Variants in KCNQ1 observed in about 807,000 individuals in gnomAD.
KCNQ1 encodes potassium voltage-gated channel subfamily Q member 1.
In KCNQ1, 49 loss-of-function variants were observed where a neutral mutation model predicts 72.4. The observed-to-expected ratio is 0.68, with a 90% confidence interval of 0.54 to 0.86. KCNQ1 has a LOEUF of 0.86. KCNQ1 is among the 40% of genes least tolerant of loss of function. KCNQ1 has a pLI of 0.00. For synonymous variants in KCNQ1, 450 were observed against 412.6 expected, an observed-to-expected ratio of 1.09 and a Z score of -1.10; for missense variants, 790 against 945.1, an observed-to-expected ratio of 0.84 and a Z score of 2.15.
chr11:2,555,589 CG>C (rs1848058717), intron 2 of KCNQ1, among the ~76,000 whole-genome samples: 1 of 152,228 alleles, frequency 6.6e-6, no homozygotes. Flanking sequence ...CCTGTGTGTG[CG>C]GGGCCCTGGG....
intron 10 of KCNQ1, among the ~76,000 whole-genome samples, chr11:2,590,717 C>G (rs918873304): frequency 2.0e-5 from 3 of 152,236 alleles, no homozygotes; most frequent in Non-Finnish European, 2.9e-5. Flanking sequence ...GCATGTCCCT[C>G]TAAGGAGGCT....
chr11:2,819,879 T>C (rs1267525489), intron 15 of KCNQ1, among the ~76,000 whole-genome samples: 1 of 152,208 alleles, frequency 6.6e-6, no homozygotes, highest in Non-Finnish European at 1.5e-5. Context: ...ATCCATCATA[T>C]TGTGTTTTCA....
At position 2,508,370 on chromosome 11, in the gene KCNQ1, C is replaced by T. The variant is rs901095096; in HGVS notation, c.387-19558C>T. Among the ~76,000 whole-genome samples, 1 of 152,158 alleles carries T rather than the reference C, an allele frequency of 6.6e-6. No homozygotes were observed. Among genetic ancestry groups the T allele is most frequent in the Non-Finnish European group, 1.5e-5 (1 of 68,006 alleles). On this transcript the variant is annotated intron_variant, in intron 1 of 15. Coordinates refer to ENST00000155840, the MANE Select transcript of KCNQ1 (RefSeq NM_000218.3). This position sits in a 1 kb window ranked among gnomAD's most constrained non-coding sequence, Gnocchi z 6.2. ...GTCCTGGAACCTGGGCTTGGCAGGG[C>T]AAGCTTTGGGGAGCACTGTCCAGAC...
chr11:2,644,697 T>C (rs1317552477), intron 10 of KCNQ1: 1 of 398,508 alleles, frequency 2.5e-6, no homozygotes, highest in Non-Finnish European at 4.4e-6. Context: ...GATCTGTCTT[T>C]CCTAAGAGAG....
At chr11:2,590,151 G>A (rs965202138) in intron 10 of KCNQ1, among the ~76,000 whole-genome samples, 10 of 152,212 alleles carry the variant, frequency 6.6e-5, no homozygotes, top group African/African-American at 9.6e-5. Flanking sequence ...TGAGCCCAGC[G>A]TGGGGTATTT....
At chr11:2,570,408 C>T (rs983158501) in intron 2 of KCNQ1, among the ~76,000 whole-genome samples, 4 of 138,572 alleles carry the variant, frequency 2.9e-5, no homozygotes, top group Non-Finnish European at 6.4e-5. Context: ...GCAGCCTCAC[C>T]TGGGCTCCAC....
At position 2,617,155 on chromosome 11, in the gene KCNQ1, A is replaced by G. The variant is rs1418953850; in HGVS notation, c.1393+28301A>G. ...AATATACTAACTATTCTCATGTTCTACATGAGATCTCTAGACTTGTTCATC... is the reference window on the plus strand; with the variant it reads ...AATATACTAACTATTCTCATGTTCTGCATGAGATCTCTAGACTTGTTCATC... On this transcript the variant is annotated intron_variant, in intron 10 of 15. Transcript: ENST00000155840. The surrounding 1 kb of genome is among the most constrained non-coding windows in gnomAD (Gnocchi z 4.6). The G allele has an allele frequency of 2.5e-6, 1 of 398,178 alleles. No homozygotes were observed. Among genetic ancestry groups the G allele is most frequent in the Non-Finnish European group, 4.4e-6 (1 of 225,884 alleles). The allele number at this position is 398,178 out of a possible 1,614,324, so 24.7% of individuals were successfully genotyped here. A position where few individuals can be genotyped will look rare whatever the true frequency, so the allele number is the denominator to read the frequency against.
In KCNQ1 at chr11:2,588,211, C is replaced by T. The variant is rs892772562; in HGVS notation, c.1252-502C>T. On this transcript the variant is annotated intron_variant, in intron 9 of 15. Coordinates refer to ENST00000155840, the MANE Select transcript of KCNQ1 (RefSeq NM_000218.3). The surrounding 1 kb of genome is among the most constrained non-coding windows in gnomAD (Gnocchi z 5.6). Reference sequence around the variant, plus strand: ...TTGGGGCTGACGCTGGCATGGTTCCCCTTCCTGGCCCGTGCCCACCCCCTG... The same window carrying T: ...TTGGGGCTGACGCTGGCATGGTTCCTCTTCCTGGCCCGTGCCCACCCCCTG... 2.0e-5 allele frequency among the ~76,000 whole-genome samples: 3 copies of T among 152,054 alleles called. No individual in the cohort carries two copies. Among genetic ancestry groups the T allele is most frequent in the Non-Finnish European group, 4.4e-5 (3 of 67,984 alleles).
rs1846291172 is a variant in KCNQ1 at position 2,462,350 on chromosome 11, C to T, written c.386+16866C>T. On this transcript the variant is annotated intron_variant, in intron 1 of 15. Transcript: ENST00000155840. This position sits in a 1 kb window ranked among gnomAD's most constrained non-coding sequence, Gnocchi z 8.2. ...CACCCCCTCTGACTTGCCTCCTCCT[C>T]CTTCTGACTTGCCTCCTCTCTCTGA... Among the ~76,000 whole-genome samples the T allele has an allele frequency of 6.6e-6, 1 of 152,192 alleles. No individual in the cohort carries two copies. Among genetic ancestry groups the T allele is most frequent in the Admixed American group, 6.5e-5 (1 of 15,286 alleles).
rs1848987312 is a variant in KCNQ1, at chr11:2,612,131, C to T, written c.1393+23277C>T. 1.0e-5 allele frequency: 4 copies of T among 398,508 alleles called. No individual in the cohort carries two copies. The highest frequency in any genetic ancestry group is 1.8e-5 in the Non-Finnish European group (4 of 226,078). The allele number at this position is 398,508 out of a possible 1,614,324, so 24.7% of individuals were successfully genotyped here. On this transcript the variant is annotated intron_variant, in intron 10 of 15. Coordinates refer to ENST00000155840, the MANE Select transcript of KCNQ1 (RefSeq NM_000218.3). This position sits in a 1 kb window ranked among gnomAD's most constrained non-coding sequence, Gnocchi z 5.5. Reference sequence around the variant, plus strand: ...CAACCCCAGGGCCATGGACTGGTACCAGTCTGTGGCCTATTAGAAACTGGG... The same window carrying T: ...CAACCCCAGGGCCATGGACTGGTACTAGTCTGTGGCCTATTAGAAACTGGG...
At chr11:2,531,641 C>G (rs1847635330) in intron 2 of KCNQ1, among the ~76,000 whole-genome samples, 1 of 152,204 alleles carries the variant, frequency 6.6e-6, no homozygotes, top group South Asian at 2.1e-4. Flanking sequence ...GCAGCTCCCT[C>G]TCCTCCGGGG....
intron 15 of KCNQ1, among the ~76,000 whole-genome samples, chr11:2,837,358 A>C (rs1848090656): frequency 6.6e-6 from 1 of 152,046 alleles, no homozygotes; most frequent in Admixed American, 6.5e-5. Flanking sequence ...CTTCAGGCCC[A>C]GGGAGTGGCC....
Position 2,624,368 on chromosome 11 carries a change from T to A in KCNQ1, c.1393+35514T>A. The stretch of plus-strand genomic sequence containing the variant: ...AGTATTGTCTCCCTTCTGTGGCCTG[T>A]CCTTTCATCCTCTTGACAGTATGTT... On this transcript the variant is annotated intron_variant, in intron 10 of 15. Transcript: ENST00000155840. This position sits in a 1 kb window ranked among gnomAD's most constrained non-coding sequence, Gnocchi z 4.9. 7.5e-6 allele frequency: 3 copies of A among 398,568 alleles called. No homozygotes were observed. Among genetic ancestry groups the A allele is most frequent in the East Asian group, 3.6e-5 (1 of 28,052 alleles). The allele number at this position is 398,568 out of a possible 1,614,324, so 24.7% of individuals were successfully genotyped here.
rs1850853828 is a variant in KCNQ1, at chr11:2,703,438, C to G, written c.1514+41357C>G. Among the ~76,000 whole-genome samples, 1 of 152,184 alleles carries G rather than the reference C, an allele frequency of 6.6e-6. No homozygotes were observed. Among genetic ancestry groups the G allele is most frequent in the African/African-American group, 2.4e-5 (1 of 41,440 alleles). On this transcript the variant is annotated intron_variant, in intron 11 of 15. Coordinates refer to ENST00000155840, the MANE Select transcript of KCNQ1 (RefSeq NM_000218.3). This position sits in a 1 kb window ranked among gnomAD's most constrained non-coding sequence, Gnocchi z 6.4. ...CTAGCGTTCCTTGCACTCCCTCCAG[C>G]TTTACTCTTTGGGGTTCAAAAGGTT...
At chr11:2,618,742 G>T in intron 10 of KCNQ1, 1 of 398,256 alleles carries the variant, frequency 2.5e-6, no homozygotes, top group South Asian at 1.3e-4. Context: ...ATTTTGATAG[G>T]GATTTTATTC....
intron 10 of KCNQ1, among the ~76,000 whole-genome samples, chr11:2,604,584 C>T (rs548271097): frequency 3.7e-4 from 56 of 151,690 alleles, no homozygotes; most frequent in African/African-American, 1.2e-3. Context: ...CTTGCTCTGT[C>T]GCCAGGCTGG....
chr11:2,845,537 C>T (rs1456042741), intron 15 of KCNQ1, among the ~76,000 whole-genome samples: 1 of 152,220 alleles, frequency 6.6e-6, no homozygotes, highest in African/African-American at 2.4e-5. Context: ...GCACCCCTTT[C>T]CTCCATAGTC....
chr11:2,486,360 T>C lies in KCNQ1; in HGVS notation c.386+40876T>C. Among the ~76,000 whole-genome samples, 2 of 152,268 alleles carry C rather than the reference T, an allele frequency of 1.3e-5. 1 individual carries two copies. Among genetic ancestry groups the C allele is most frequent in the Non-Finnish European group, 2.9e-5 (2 of 68,052 alleles). On this transcript the variant is annotated intron_variant, in intron 1 of 15. Transcript: ENST00000155840. This position sits in a 1 kb window ranked among gnomAD's most constrained non-coding sequence, Gnocchi z 5.0. ...TAAATTGAGAGGTTTGTTTTTGCTG[T>C]TGAGTTTTAGAACTTCTCTATATAT...
chr11:2,559,725 C>A lies in KCNQ1; in HGVS notation c.478-10903C>A, dbSNP rs547159475. Among the ~76,000 whole-genome samples the A allele has an allele frequency of 3.3e-5, 5 of 152,262 alleles. No homozygotes were observed. In the South Asian group the frequency reaches 1.0e-3, roughly 32 times the overall value. Reference sequence around the variant, plus strand: ...CCCAGAGTCACCCCGAAATCATTAACGGGGAGACAAGCACACAGAGCAGCT... The same window carrying A: ...CCCAGAGTCACCCCGAAATCATTAAAGGGGAGACAAGCACACAGAGCAGCT... On this transcript the variant is annotated intron_variant, in intron 2 of 15. Coordinates refer to ENST00000155840, the MANE Select transcript of KCNQ1 (RefSeq NM_000218.3). This position sits in a 1 kb window ranked among gnomAD's most constrained non-coding sequence, Gnocchi z 4.9.
Sources: gnomAD v4.1 joint callset for allele counts (sites outside exome capture counted in the v4.1 genomes callset) on GRCh38, gnomAD v4.1.1 for gene constraint, Gnocchi (gnomAD v3.1) non-coding constraint, MANE v1.5 for transcripts, NCBI Gene and HGNC (gene_info 2026-07-23, HGNC 2026-07-21) for gene names.